MECOM: variants seen among roughly 807,000 people sequenced by gnomAD.
The protein encoded by MECOM is MDS1 and EVI1 complex locus, also known as histone-lysine N-methyltransferase MECOM.
Under a neutral mutation model 116.3 loss-of-function variants are expected in MECOM, and 13 were observed. That is an observed-to-expected ratio of 0.11 (90% confidence interval 0.07 to 0.18). The LOEUF (loss-of-function observed/expected upper bound fraction) is 0.18, where lower values mean the gene tolerates loss of function less well. MECOM is among the 10% of genes least tolerant of loss of function. The pLI, the probability that MECOM is intolerant of heterozygous loss-of-function variation, is 1.00. For missense variants in MECOM, 1,299 were observed against 1,509.0 expected, an observed-to-expected ratio of 0.86 and a Z score of 2.31; for synonymous variants, 528 against 535.2, an observed-to-expected ratio of 0.99 and a Z score of 0.19.
intron 2 of MECOM, among the ~76,000 whole-genome samples, chr3:169,246,374 A>G (rs1292835732): frequency 4.6e-5 from 7 of 152,196 alleles, no homozygotes; most frequent in Admixed American, 4.6e-4. Context: ...CTGATGTGTC[A>G]CTAGGTACAT....
chr3:169,645,872 C>T (rs1774113285), intron 1 of MECOM, among the ~76,000 whole-genome samples: 1 of 152,186 alleles, frequency 6.6e-6, no homozygotes, highest in Non-Finnish European at 1.5e-5. Context: ...TCACATTGCT[C>T]TCCACTACCT....
At chr3:169,389,338 A>T (rs377515154) in intron 1 of MECOM, among the ~76,000 whole-genome samples, 2 of 152,258 alleles carry the variant, frequency 1.3e-5, no homozygotes, top group Admixed American at 6.5e-5. Context: ...ACGCAAAGAC[A>T]TTAAAGTTCT....
At chr3:169,249,310 A>G (rs963742258) in intron 2 of MECOM, among the ~76,000 whole-genome samples, 2 of 152,216 alleles carry the variant, frequency 1.3e-5, no homozygotes, top group African/African-American at 4.8e-5. Flanking sequence ...TAGACTTGAC[A>G]TCTAGTGCCA....
chr3:169,547,118 T>C (rs891152601), intron 1 of MECOM, among the ~76,000 whole-genome samples: 7 of 152,176 alleles, frequency 4.6e-5, no homozygotes, highest in Non-Finnish European at 7.4e-5. Flanking sequence ...GAGGAACTTG[T>C]TGGGAGGTGA....
intron 2 of MECOM, among the ~76,000 whole-genome samples, chr3:169,343,650 C>G (rs1192899699): frequency 6.6e-6 from 1 of 152,146 alleles, no homozygotes; most frequent in Non-Finnish European, 1.5e-5. Flanking sequence ...ATTTAAATCA[C>G]TGCCTAAATA....
intron 2 of MECOM, among the ~76,000 whole-genome samples, chr3:169,182,343 C>T (rs1400526868): frequency 6.6e-6 from 1 of 152,124 alleles, no homozygotes; most frequent in East Asian, 1.9e-4. Flanking sequence ...AGGTTTTACC[C>T]CCAAAGATTC....
In MECOM at chr3:169,499,010, C is replaced by T. The variant is rs550358370; in HGVS notation, c.38-117486G>A. On this transcript the variant is annotated intron_variant, in intron 1 of 16. Coordinates refer to ENST00000651503, the MANE Select transcript of MECOM (RefSeq NM_004991.4). Reference sequence around the variant, plus strand: ...CTGAAGGGAAAATTAGTTAATTTTACGAAGAAACAATAAATCTCACAGAAT... The same window carrying T: ...CTGAAGGGAAAATTAGTTAATTTTATGAAGAAACAATAAATCTCACAGAAT... Among the ~76,000 whole-genome samples, 38 of 150,902 alleles carry T rather than the reference C, an allele frequency of 2.5e-4. 1 individual carries two copies. Among genetic ancestry groups the T allele is most frequent in the Middle Eastern group, 3.4e-3 (1 of 292 alleles).
chr3:169,393,185 T>C lies in MECOM; in HGVS notation c.38-11661A>G, dbSNP rs148515248. On this transcript the variant is annotated intron_variant, in intron 1 of 16. Transcript: ENST00000651503. ...CACAATATTTACCTTCCAGCTAGAA[T>C]TGAAAGTTATTCCAAACTGACCAGA... is the stretch of plus-strand genomic sequence containing the variant. Among the ~76,000 whole-genome samples the C allele has an allele frequency of 1.6e-4, 24 of 152,258 alleles. No individual in the cohort carries two copies. The East Asian group carries it at 4.1e-3, about 26-fold the overall frequency.
intron 1 of MECOM, among the ~76,000 whole-genome samples, chr3:169,436,332 C>A (rs1388556205): frequency 6.7e-6 from 1 of 148,540 alleles, no homozygotes; most frequent in Non-Finnish European, 1.5e-5. Context: ...CTCACCACAA[C>A]CTCCGCCTCC....
At chr3:169,420,531 G>A (rs1739531413) in intron 1 of MECOM, among the ~76,000 whole-genome samples, 1 of 152,094 alleles carries the variant, frequency 6.6e-6, no homozygotes, top group Non-Finnish European at 1.5e-5. Context: ...GAACAATGAG[G>A]CAAATAGCAA....
At chr3:169,235,738 G>A (rs751989782) in intron 2 of MECOM, among the ~76,000 whole-genome samples, 25 of 151,896 alleles carry the variant, frequency 1.6e-4, no homozygotes, top group Non-Finnish European at 3.1e-4. Context: ...ACACAAAAAA[G>A]ATAACATAAT....
At chr3:169,605,302 G>A (rs911425277) in intron 1 of MECOM, among the ~76,000 whole-genome samples, 3 of 152,150 alleles carry the variant, frequency 2.0e-5, no homozygotes, top group Non-Finnish European at 4.4e-5. Context: ...CATGGTAGCT[G>A]CCATGTCCCT....
intron 1 of MECOM, among the ~76,000 whole-genome samples, chr3:169,421,816 G>T (rs904737603): frequency 2.6e-5 from 4 of 152,066 alleles, no homozygotes; most frequent in Admixed American, 1.3e-4. Context: ...TTCCCCAGAA[G>T]GTAAGAGGTG....
intron 2 of MECOM, among the ~76,000 whole-genome samples, chr3:169,318,166 C>T (rs1394277926): frequency 1.3e-5 from 2 of 152,136 alleles, no homozygotes; most frequent in Non-Finnish European, 2.9e-5. Context: ...ACCATAAAAA[C>T]CCTAGAAGAA....
intron 2 of MECOM, among the ~76,000 whole-genome samples, chr3:169,290,713 A>G (rs1253165322): frequency 2.0e-5 from 3 of 152,214 alleles, no homozygotes; most frequent in African/African-American, 7.2e-5. Flanking sequence ...GAATTGTACC[A>G]TAAAAGTGAA....
intron 2 of MECOM, among the ~76,000 whole-genome samples, chr3:169,271,787 C>T (rs971006828): frequency 6.6e-6 from 1 of 152,092 alleles, no homozygotes; most frequent in Admixed American, 6.5e-5. Flanking sequence ...AAAATAAAGT[C>T]TGTGTTTTAA....
intron 2 of MECOM, among the ~76,000 whole-genome samples, chr3:169,186,512 T>C (rs773476460): frequency 1.2e-4 from 18 of 152,040 alleles, no homozygotes; most frequent in Non-Finnish European, 2.1e-4. Context: ...AGCCAAAATA[T>C]CATATTAAAT....
chr3:169,196,912 T>C (rs969550435), intron 2 of MECOM, among the ~76,000 whole-genome samples: 1 of 152,024 alleles, frequency 6.6e-6, no homozygotes, highest in Non-Finnish European at 1.5e-5. Flanking sequence ...GGAGTCAACC[T>C]AAATGCTCAT....
intron 1 of MECOM, among the ~76,000 whole-genome samples, chr3:169,471,121 A>G (rs1296642647): frequency 6.6e-6 from 1 of 151,888 alleles, no homozygotes; most frequent in East Asian, 1.9e-4. Flanking sequence ...CCTCCAGGGT[A>G]GCTGGGACTA....
Sources: gnomAD v4.1 joint callset for allele counts (sites outside exome capture counted in the v4.1 genomes callset) on GRCh38, gnomAD v4.1.1 for gene constraint, MANE v1.5 for transcripts, NCBI Gene and HGNC (gene_info 2026-07-23, HGNC 2026-07-21) for gene names.